Variants in PPP2R2D observed in about 807,000 individuals in gnomAD.
PPP2R2D encodes the protein serine/threonine-protein phosphatase 2A 55 kDa regulatory subunit B delta isoform.
PPP2R2D carries 9 observed loss-of-function variants against 31.1 expected under a neutral mutation model. The ratio of observed to expected loss-of-function variants is 0.29; its 90% CI spans 0.17 to 0.51. The LOEUF (loss-of-function observed/expected upper bound fraction) is 0.51, where lower values mean the gene tolerates loss of function less well. PPP2R2D is among the 20% of genes least tolerant of loss of function. The pLI is 0.98. For missense variants in PPP2R2D, 391 were observed against 465.6 expected (o/e 0.84, Z 1.48); for synonymous variants, 179 against 172.6 (o/e 1.04, Z -0.29).
intron 2 of PPP2R2D, among the ~76,000 whole-genome samples, chr10:131,915,346 G>A (rs2035759218): frequency 6.6e-6 from 1 of 152,114 alleles, no homozygotes; most frequent in Non-Finnish European, 1.5e-5. Flanking sequence ...AGTAACCTGT[G>A]TACGGGAGGC....
rs1423363107 is a variant in PPP2R2D, at chr10:131,945,417, T to G, written c.778T>G (p.Cys260Gly). Residue 260 changes from cysteine (C) to glycine (G), a missense_variant, in exon 7 of 9, where the codon TGT (cysteine) becomes GGT (glycine). This residue lies in a region of PPP2R2D where 123 missense variants were observed against 187.7 expected (regional missense o/e 0.66). Transcript: ENST00000455566. This position sits in a 1 kb window ranked among gnomAD's most constrained non-coding sequence, Gnocchi z 4.8. ...YSSSKGTIRL[C>G]DMRSSALCDR... ...CAGTAGCAAAGGGACCATCCGCCTG[T>G]GTGACATGCGCTCCTCGGCCCTGTG... 1 of 1,614,014 alleles carries G rather than the reference T, an allele frequency of 6.2e-7. No individual in the cohort carries two copies. The highest frequency in any genetic ancestry group is 1.7e-5 in the Admixed American group (1 of 60,000).
chr10:131,902,364 C>A (rs1471473065), intron 2 of PPP2R2D, among the ~76,000 whole-genome samples: 1 of 152,124 alleles, frequency 6.6e-6, no homozygotes, highest in African/African-American at 2.4e-5. Context: ...CTCGGCCCCC[C>A]CAACCCCGTG....
chr10:131,902,780 A>G (rs1451984065), intron 2 of PPP2R2D, among the ~76,000 whole-genome samples: 2 of 152,138 alleles, frequency 1.3e-5, no homozygotes, highest in African/African-American at 4.8e-5. Flanking sequence ...ACAGGGTCTC[A>G]CTTTGTAGCC....
downstream of PPP2R2D, among the ~76,000 whole-genome samples, chr10:131,963,344 G>A (rs1403868581): frequency 1.5e-5 from 2 of 137,882 alleles, no homozygotes; most frequent in Non-Finnish European, 3.1e-5. Flanking sequence ...CTGGTCATAC[G>A]TACAGCGTTC....
chr10:131,925,452 T>G (rs782716114), intron 2 of PPP2R2D, among the ~76,000 whole-genome samples: 2 of 152,252 alleles, frequency 1.3e-5, no homozygotes, highest in Admixed American at 6.5e-5. Context: ...TACATTGATT[T>G]GTTTTTGTAT....
At position 131,945,518 on chromosome 10, in the gene PPP2R2D, G is replaced by A. The variant is rs537869648; in HGVS notation, c.820+59G>A. The A allele has an allele frequency of 1.2e-5, 19 of 1,539,320 alleles. No homozygotes were observed. The African/African-American group carries it at 2.0e-4, about 17-fold the overall frequency. On this transcript the variant is annotated intron_variant, in intron 7 of 8. Transcript: ENST00000455566. This position sits in a 1 kb window ranked among gnomAD's most constrained non-coding sequence, Gnocchi z 4.8. ...TCTGTCACCCAGGCTGCGGTGCAGT[G>A]ACACAGTCTCGGCTCACGGCAAGCT... is the stretch of plus-strand genomic sequence containing the variant.
chr10:131,911,253 C>T (rs1338119946), intron 2 of PPP2R2D, among the ~76,000 whole-genome samples: 1 of 152,184 alleles, frequency 6.6e-6, no homozygotes, highest in Non-Finnish European at 1.5e-5. Flanking sequence ...AGCCAGTGTC[C>T]GGCTGCAGAA....
At chr10:131,930,626 A>G (rs376652172) in intron 2 of PPP2R2D, among the ~76,000 whole-genome samples, 1 of 152,144 alleles carries the variant, frequency 6.6e-6, no homozygotes, top group South Asian at 2.1e-4. Context: ...GTTTCCTGCA[A>G]CCTGTGTGAT....
chr10:131,947,782 G>C lies in PPP2R2D; in HGVS notation c.1073G>C (p.Gly358Ala), dbSNP rs1554898239. The part of the protein sequence containing the change: ...IFDKFECCWN[G>A]SDSAIMTGSY... ...GACAAGTTTGAGTGTTGCTGGAACGGTTCGGATAGGTAAGGCCTGCGTGGA... is the reference window on the plus strand; with the variant it reads ...GACAAGTTTGAGTGTTGCTGGAACGCTTCGGATAGGTAAGGCCTGCGTGGA... Residue 358 changes from glycine (G) to alanine (A), a missense_variant, in exon 8 of 9, where the codon GGT (glycine) becomes GCT (alanine). By Grantham distance (60) the Gly-to-Ala change is moderately conservative. Around this residue, in one of 3 missense-constraint regions of PPP2R2D, gnomAD observed 163 missense variants for 179.5 expected, o/e 0.91. Coordinates refer to ENST00000455566, the MANE Select transcript of PPP2R2D (RefSeq NM_018461.5). The surrounding 1 kb of genome is among the most constrained non-coding windows in gnomAD (Gnocchi z 4.3). 4.3e-6 allele frequency: 7 copies of C among 1,613,590 alleles called. No homozygotes were observed. In the Admixed American group the frequency reaches 1.2e-4, roughly 27 times the overall value.
chr10:131,938,900 A>G (rs1345275659), intron 3 of PPP2R2D, among the ~76,000 whole-genome samples: 10 of 152,178 alleles, frequency 6.6e-5, no homozygotes, highest in African/African-American at 1.4e-4. Flanking sequence ...TCTCCTCTAG[A>G]GCAGACTCAG....
At chr10:131,968,762 T>C in the PPP2R2D span, 3 of 504,576 alleles carry the variant, frequency 5.9e-6, no homozygotes, top group African/African-American at 3.8e-5. Context: ...TATTTTGTAT[T>C]AATTAACTTA....
At chr10:131,918,031 T>C (rs28685192) in intron 2 of PPP2R2D, among the ~76,000 whole-genome samples, 12,527 of 100,014 alleles carry the variant, frequency 0.13, 1,039 homozygotes, top group East Asian at 0.24. Context: ...TGTAGGGACC[T>C]CAGGCGGGTG....
At chr10:131,934,856 G>A (rs782315807) in intron 3 of PPP2R2D, 34 of 481,536 alleles carry the variant, frequency 7.1e-5, no homozygotes, top group Non-Finnish European at 1.3e-4. Context: ...AAGAACTCAC[G>A]CGGCTCTCTC....
intron 2 of PPP2R2D, among the ~76,000 whole-genome samples, chr10:131,907,849 A>G (rs937248962): frequency 3.9e-5 from 6 of 152,128 alleles, no homozygotes; most frequent in Non-Finnish European, 7.3e-5. Flanking sequence ...TTAAGTTTAC[A>G]AGATATGTGG....
chr10:131,952,037 T>C (rs1554898835), intron 8 of PPP2R2D, among the ~76,000 whole-genome samples: 1 of 137,088 alleles, frequency 7.3e-6, no homozygotes, highest in African/African-American at 2.8e-5. Flanking sequence ...GTGCAGGGGG[T>C]TCACCACCTT....
the PPP2R2D span, chr10:131,970,582 A>C: frequency 6.3e-7 from 1 of 1,587,644 alleles, no homozygotes; most frequent in Non-Finnish European, 8.6e-7. The surrounding 1 kb of genome is among the most constrained non-coding windows in gnomAD (Gnocchi z 4.1). Flanking sequence ...AATCACTGCA[A>C]CCCAGAATCG....
At position 131,956,290 on chromosome 10, in the gene PPP2R2D, G is replaced by C; in HGVS notation, c.*327G>C. 1 of 1,033,372 alleles carries C rather than the reference G, an allele frequency of 9.7e-7. No homozygotes were observed. Among genetic ancestry groups the C allele is most frequent in the Non-Finnish European group, 1.2e-6 (1 of 861,770 alleles). 64.0% of individuals were successfully genotyped at this position (1,033,372 alleles called of 1,614,324 possible). ...TATAGACCAAAAAATTAACATCCAA[G>C]AGAAAAGTTATTGTCAGATACCGCT... On this transcript the variant is annotated 3_prime_UTR_variant, in exon 9 of 9. Coordinates refer to ENST00000455566, the MANE Select transcript of PPP2R2D (RefSeq NM_018461.5).
At chr10:131,917,508 A>G (rs2035833171) in intron 2 of PPP2R2D, among the ~76,000 whole-genome samples, 1 of 106,528 alleles carries the variant, frequency 9.4e-6, no homozygotes, top group Non-Finnish European at 1.8e-5. Context: ...CACGGATGGA[A>G]TGACACAGTG....
rs200325070 is a variant in PPP2R2D at position 131,955,816 on chromosome 10, G to C, written c.1215G>C (p.Thr405=). The C allele has an allele frequency of 6.2e-7, 1 of 1,608,666 alleles. No individual in the cohort carries two copies. Among genetic ancestry groups the C allele is most frequent in the Non-Finnish European group, 8.5e-7 (1 of 1,177,178 alleles). ...RASLKPRKVC[T]GGKRRKDEIS... ...GCCTCAAACCCCGGAAGGTGTGTAC[G>C]GGGGGTAAGCGGAGGAAAGACGAGA... The change falls in exon 9 of 9, where the codon ACG becomes ACC. Residue 405 remains threonine (T), a synonymous_variant. Transcript: ENST00000455566.
Sources: allele counts gnomAD v4.1 joint callset (sites outside exome capture counted in the v4.1 genomes callset), GRCh38; gene constraint gnomAD v4.1.1; regional missense constraint gnomAD v4.1.1; non-coding constraint Gnocchi (gnomAD v3.1); transcripts MANE v1.5; gene names NCBI Gene and HGNC (gene_info 2026-07-23, HGNC 2026-07-21).